Variants in FIGN observed in about 807,000 individuals in gnomAD.
FIGN encodes the protein fidgetin, microtubule severing factor.
Under a neutral mutation model 51.3 loss-of-function variants are expected in FIGN, and 11 were observed. The ratio of observed to expected loss-of-function variants is 0.21; its 90% confidence interval spans 0.13 to 0.35. The LOEUF is 0.35. Ranked by LOEUF, FIGN falls within the 10% of genes least tolerant of loss-of-function variation. The pLI is 1.00. For synonymous variants in FIGN, 407 were observed against 363.2 expected (o/e 1.12, Z -1.37); for missense variants, 857 against 943.6 (o/e 0.91, Z 1.20).
intron 2 of FIGN, among the ~76,000 whole-genome samples, chr2:163,638,909 TA>T (rs765083852): frequency 6.7e-6 from 1 of 149,080 alleles, no homozygotes; most frequent in African/African-American, 2.4e-5. Context: ...TTTTCTCCTC[TA>T]AAAAAAACAT....
At chr2:163,615,503 T>C (rs1682860808) in intron 2 of FIGN, among the ~76,000 whole-genome samples, 2 of 152,214 alleles carry the variant, frequency 1.3e-5, no homozygotes, top group African/African-American at 2.4e-5. Context: ...GGTGGTGCTA[T>C]TTCTGATATG....
chr2:163,637,603 T>C (rs1366566630), intron 2 of FIGN, among the ~76,000 whole-genome samples: 5 of 152,002 alleles, frequency 3.3e-5, no homozygotes, highest in East Asian at 1.9e-4. Context: ...ATGTCAACAA[T>C]TGCAGAATAA....
At chr2:163,616,060 A>G (rs16835924) in intron 2 of FIGN, among the ~76,000 whole-genome samples, 14,007 of 131,420 alleles carry the variant, frequency 0.11, 1,257 homozygotes, top group East Asian at 0.36. Context: ...GACTCCATGT[A>G]TATATAAATG....
At chr2:163,657,557 G>C (rs1005519286) in intron 2 of FIGN, among the ~76,000 whole-genome samples, 1 of 150,934 alleles carries the variant, frequency 6.6e-6, no homozygotes, top group Non-Finnish European at 1.5e-5. Flanking sequence ...TGTTTGGGTA[G>C]AGTTTTCCCC....
chr2:163,616,577 G>T (rs1019851365), intron 2 of FIGN, among the ~76,000 whole-genome samples: 20 of 152,128 alleles, frequency 1.3e-4, no homozygotes, highest in African/African-American at 1.4e-4. Context: ...ACACCTGCAG[G>T]CATGGCAGGT....
chr2:163,649,585 A>T (rs1168470593), intron 2 of FIGN, among the ~76,000 whole-genome samples: 2 of 152,210 alleles, frequency 1.3e-5, no homozygotes, highest in Non-Finnish European at 2.9e-5. Flanking sequence ...CACACTGGAC[A>T]TTCCAACACA....
intron 2 of FIGN, among the ~76,000 whole-genome samples, chr2:163,734,614 CT>C (rs1262787624): frequency 6.5e-4 from 93 of 143,064 alleles, no homozygotes; most frequent in African/African-American, 2.2e-3. Context: ...TACTATTTGA[CT>C]TCAGCAGTTA....
Position 163,735,086 on chromosome 2 carries a change from A to C in FIGN, c.-145-14T>G. 1.8e-6 allele frequency: 1 copy of C among 549,810 alleles called. No individual in the cohort carries two copies. Among genetic ancestry groups the C allele is most frequent in the Non-Finnish European group, 3.1e-6 (1 of 319,812 alleles). 34.1% of individuals were successfully genotyped at this position (549,810 alleles called of 1,614,324 possible). ...TATTCATTTAACCTACATGCATATA[A>C]TTAAGGGGGAAAGCAACATCAACAA... On this transcript the variant is annotated splice_polypyrimidine_tract_variant and intron_variant, in intron 1 of 2. Coordinates refer to ENST00000333129, the MANE Select transcript of FIGN (RefSeq NM_018086.4).
chr2:163,642,160 A>AAAATACCC (rs1400413486), intron 2 of FIGN, among the ~76,000 whole-genome samples: 8 of 152,190 alleles, frequency 5.3e-5, no homozygotes, highest in Admixed American at 2.0e-4. Flanking sequence ...CCCAGCATGT[A>AAAATACCC]AAATACCCAT....
At chr2:163,703,807 C>T (rs1367688977) in intron 2 of FIGN, among the ~76,000 whole-genome samples, 1 of 151,996 alleles carries the variant, frequency 6.6e-6, no homozygotes, top group African/African-American at 2.4e-5. Flanking sequence ...CATCGTAACC[C>T]CAAAATGGAG....
At chr2:163,650,666 T>G (rs1295018089) in intron 2 of FIGN, among the ~76,000 whole-genome samples, 1 of 152,178 alleles carries the variant, frequency 6.6e-6, no homozygotes. Context: ...TTTCTGATTT[T>G]TATGTATTTT....
At chr2:163,716,830 C>A (rs1411792045) in intron 2 of FIGN, among the ~76,000 whole-genome samples, 1 of 152,024 alleles carries the variant, frequency 6.6e-6, no homozygotes, top group African/African-American at 2.4e-5. Flanking sequence ...CTCTGGAATT[C>A]GTCAAAATTT....
At chr2:163,724,617 C>A (rs1057004211) in intron 2 of FIGN, among the ~76,000 whole-genome samples, 1 of 151,972 alleles carries the variant, frequency 6.6e-6, no homozygotes, top group East Asian at 1.9e-4. Flanking sequence ...TTTCTAAAAC[C>A]AATTCAAAGT....
chr2:163,714,194 G>A (rs1263365309), intron 2 of FIGN, among the ~76,000 whole-genome samples: 1 of 152,128 alleles, frequency 6.6e-6, no homozygotes, highest in Non-Finnish European at 1.5e-5. Context: ...GAACTGATAA[G>A]CTCTCAGGTA....
chr2:163,661,040 C>T (rs1250932369), intron 2 of FIGN, among the ~76,000 whole-genome samples: 3 of 145,014 alleles, frequency 2.1e-5, no homozygotes, highest in African/African-American at 5.1e-5. Context: ...CCCGCCACCA[C>T]GCCCAGCTAA....
chr2:163,709,427 T>G (rs1047543747), intron 2 of FIGN, among the ~76,000 whole-genome samples: 1 of 151,884 alleles, frequency 6.6e-6, no homozygotes, highest in African/African-American at 2.4e-5. Flanking sequence ...TACAAAAGAG[T>G]TCATCTGGAG....
At chr2:163,682,094 A>G (rs979022976) in intron 2 of FIGN, among the ~76,000 whole-genome samples, 7 of 152,182 alleles carry the variant, frequency 4.6e-5, no homozygotes, top group African/African-American at 1.4e-4. Flanking sequence ...GCAGACACCA[A>G]ATTATTTAAT....
chr2:163,667,217 T>C (rs1010630601), intron 2 of FIGN, among the ~76,000 whole-genome samples: 4 of 152,056 alleles, frequency 2.6e-5, no homozygotes, highest in African/African-American at 9.7e-5. Context: ...CCATTCTACA[T>C]TCTTTCTTTA....
At chr2:163,644,982 A>G (rs1183097903) in intron 2 of FIGN, among the ~76,000 whole-genome samples, 4 of 152,220 alleles carry the variant, frequency 2.6e-5, no homozygotes, top group Non-Finnish European at 4.4e-5. Context: ...TATCTGAGAT[A>G]AGAAAAATGT....
Sources: allele counts gnomAD v4.1 joint callset (sites outside exome capture counted in the v4.1 genomes callset), GRCh38; gene constraint gnomAD v4.1.1; transcripts MANE v1.5; gene names NCBI Gene and HGNC (gene_info 2026-07-23, HGNC 2026-07-21).